The following ZNFX1 variants were observed in gnomAD, a reference collection of about 807,000 sequenced individuals.
The protein encoded by ZNFX1 is zinc finger NFX1-type containing 1.
Under a neutral mutation model 179.8 loss-of-function variants are expected in ZNFX1, and 78 were observed. The ratio of observed to expected loss-of-function variants is 0.43; its 90% CI spans 0.36 to 0.52. The LOEUF (loss-of-function observed/expected upper bound fraction) is 0.52, where lower values mean the gene tolerates loss of function less well. ZNFX1 is among the 20% of genes least tolerant of loss of function. ZNFX1 has a pLI of 0.00. For synonymous variants in ZNFX1, 848 were observed against 868.5 expected, an observed-to-expected ratio of 0.98 and a Z score of 0.42; for missense variants, 1,927 against 2,386.6, an observed-to-expected ratio of 0.81 and a Z score of 4.01.
rs563940148 is a variant in ZNFX1 at position 49,276,440 on chromosome 20, G to A, written c.-48-553C>T. ...CTTTGGAATGGAGCCAAATGATTAA[G>A]CTCTCTGCTCTACTGAATCAAGAGA... On this transcript the variant is annotated intron_variant, in intron 1 of 13. Coordinates refer to ENST00000396105, the MANE Select transcript of ZNFX1 (RefSeq NM_021035.3). Among the ~76,000 whole-genome samples the A allele has an allele frequency of 2.4e-3, 364 of 152,334 alleles. 5 individuals are homozygous for A. In the South Asian group the frequency reaches 0.04, roughly 17 times the overall value.
Position 49,251,544 on chromosome 20 carries a change from TAAGAA to T in ZNFX1, c.3290_3294del (p.Val1097GlufsTer3). The T allele has an allele frequency of 6.2e-7, 1 of 1,612,524 alleles. No individual in the cohort carries two copies. The highest frequency in any genetic ancestry group is 1.1e-5 in the South Asian group (1 of 90,882). ...AGACTCACCTTAATCTTCTCATACT[TAAGAA>T]CAGATGGATGATTCTCCAGATCCTG... is the stretch of plus-strand genomic sequence containing the variant. On this transcript the variant is annotated frameshift_variant, in exon 13 of 14. Transcript: ENST00000396105. LOFTEE classifies it high-confidence loss of function.
chr20:49,273,543 CA>C (rs1327599657), intron 2 of ZNFX1, among the ~76,000 whole-genome samples: 1 of 152,166 alleles, frequency 6.6e-6, no homozygotes, highest in Non-Finnish European at 1.5e-5. Flanking sequence ...AAACTACCTC[CA>C]AAATCAGAAG....
At chr20:49,275,376 C>A (rs892048579) in intron 2 of ZNFX1, among the ~76,000 whole-genome samples, 2 of 151,926 alleles carry the variant, frequency 1.3e-5, no homozygotes, top group Non-Finnish European at 2.9e-5. Flanking sequence ...GTCACCCAGG[C>A]TGGAGTGCAG....
At chr20:49,249,793 A>C in intron 13 of ZNFX1, 82 bp from the exon 14 acceptor site, 8 of 1,456,166 alleles carry the variant, frequency 5.5e-6, no homozygotes, top group South Asian at 5.4e-5. Context: ...TGCACTGGCC[A>C]CTTACTCTGC....
chr20:49,272,026 T>G (rs1981420316), intron 2 of ZNFX1, among the ~76,000 whole-genome samples: 2 of 152,168 alleles, frequency 1.3e-5, no homozygotes, highest in African/African-American at 4.8e-5. Flanking sequence ...ATACATACAG[T>G]ATGTCTCATT....
Position 49,263,467 on chromosome 20 carries a change from T to C in ZNFX1, c.2168A>G (p.Lys723Arg). The C allele has an allele frequency of 6.3e-7, 1 of 1,587,846 alleles. No individual in the cohort carries two copies. Among genetic ancestry groups the C allele is most frequent in the Non-Finnish European group, 8.6e-7 (1 of 1,165,880 alleles). ...RAYMSIMTQMKESEQELHEGA... is the reference protein window; with the variant it reads ...RAYMSIMTQMRESEQELHEGA... ...TTCATGAAGCTCTTGCTCTGACTCC[T>C]TCATCTGTGTCATGATCTTCCAAGA... The change falls in exon 6 of 14, where the codon AAG (lysine) becomes AGG (arginine). Residue 723 changes from lysine (K) to arginine (R), a missense_variant. By Grantham distance (26) the Lys-to-Arg change is conservative. Coordinates refer to ENST00000396105, the MANE Select transcript of ZNFX1 (RefSeq NM_021035.3).
At position 49,246,872 on chromosome 20, in the gene ZNFX1, ATTT is replaced by A. The variant is rs71647791; in HGVS notation, c.*392_*394del. On this transcript the variant is annotated 3_prime_UTR_variant, in exon 14 of 14. Transcript: ENST00000396105. ...GTAGGTGCTAAGACTAAAAAGAATG[ATTT>A]TTTTTTTTTTGAGACAGAGTCTTGC... is the stretch of plus-strand genomic sequence containing the variant. The A allele has an allele frequency of 5.1e-3, 2,082 of 409,580 alleles. 1 individual carries two copies. Among genetic ancestry groups the A allele is most frequent in the Non-Finnish European group, 5.8e-3 (1,160 of 200,276 alleles). The allele number at this position is 409,580 out of a possible 1,614,324, so 25.4% of individuals were successfully genotyped here. A position where few individuals can be genotyped will look rare whatever the true frequency, so the allele number is the denominator to read the frequency against.
chr20:49,271,459 G>A lies in ZNFX1; in HGVS notation c.353C>T (p.Pro118Leu). The A allele has an allele frequency of 2.5e-6, 4 of 1,614,162 alleles. No individual in the cohort carries two copies. Among genetic ancestry groups the A allele is most frequent in the Non-Finnish European group, 3.4e-6 (4 of 1,180,026 alleles). The change falls in exon 3 of 14, where the codon CCA becomes CTA. Residue 118 changes from proline (P) to leucine (L), a missense_variant. By Grantham distance (98) the Pro-to-Leu change is moderately conservative. Transcript: ENST00000396105. ...GNQDCRNRRP[P>L]WSNDNFQQWR... ...CTGCTGGAAGTTGTCATTGGACCAT[G>A]GTGGTCTGCGGTTCCTACAGTCCTG...
chr20:49,260,379 G>A (rs1269346159), intron 7 of ZNFX1, 84 bp downstream of exon 7: 3 of 814,440 alleles, frequency 3.7e-6, no homozygotes, highest in African/African-American at 1.8e-5. Flanking sequence ...TATTTATTCT[G>A]GGAATTATTT....
Position 49,270,840 on chromosome 20 carries a change from A to C in ZNFX1, c.972T>G (p.Pro324=). Residue 324 remains proline (P), a synonymous_variant, in exon 3 of 14, where the codon CCT becomes CCG. Transcript: ENST00000396105. This position sits in a 1 kb window ranked among gnomAD's most constrained non-coding sequence, Gnocchi z 4.6. ...LRVDTYTLVQ[P]EAEDHVESYR... ...AGCTCTCAACATGGTCTTCTGCCTCAGGCTGCACTAGAGTGTAGGTATCCA... is the reference window on the plus strand; with the variant it reads ...AGCTCTCAACATGGTCTTCTGCCTCCGGCTGCACTAGAGTGTAGGTATCCA... 2 of 1,614,174 alleles carry C rather than the reference A, an allele frequency of 1.2e-6. No homozygotes were observed. Among genetic ancestry groups the C allele is most frequent in the South Asian group, 1.1e-5 (1 of 91,078 alleles).
chr20:49,250,589 C>T (rs961605527), intron 13 of ZNFX1, among the ~76,000 whole-genome samples: 2 of 151,980 alleles, frequency 1.3e-5, no homozygotes, highest in Non-Finnish European at 1.5e-5. Context: ...ACTCTTGTTG[C>T]GTAGGCTGAA....
rs1600996950 is a variant in ZNFX1, at chr20:49,270,890, T to C, written c.922A>G (p.Lys308Glu). ...VQTIIEHLQE[K>E]RREGTLRVDT... ...ACTCTCAAAGTGCCCTCTCGCCTCT[T>C]TTCCTGCAGATGTTCAATGATAGTC... Residue 308 changes from lysine (K) to glutamate (E), a missense_variant, in exon 3 of 14, where the codon AAG becomes GAG. Coordinates refer to ENST00000396105, the MANE Select transcript of ZNFX1 (RefSeq NM_021035.3). This position sits in a 1 kb window ranked among gnomAD's most constrained non-coding sequence, Gnocchi z 4.6. The C allele has an allele frequency of 6.2e-7, 1 of 1,614,164 alleles. No homozygotes were observed.
chr20:49,254,690 C>A, intron 9 of ZNFX1, 41 bp from the exon 10 acceptor site: 1 of 1,603,268 alleles, frequency 6.2e-7, no homozygotes, highest in Non-Finnish European at 8.5e-7. Context: ...GCCACATGCT[C>A]TTTGAGAAGG....
chr20:49,271,363 T>C lies in ZNFX1; in HGVS notation c.449A>G (p.Glu150Gly), dbSNP rs1396687594. ...AGAAGGGTCTTTCTGCAGAAGACTTTCTAAGAACTTGTAGCCCAGTTTCTT... is the reference window on the plus strand; with the variant it reads ...AGAAGGGTCTTTCTGCAGAAGACTTCCTAAGAACTTGTAGCCCAGTTTCTT... Reference protein sequence around the residue: ...QAKKLGYKFLESLLQKDPSEV... With the variant: ...QAKKLGYKFLGSLLQKDPSEV... Residue 150 changes from glutamate to glycine, a missense_variant, in exon 3 of 14, where the codon GAA (glutamate) becomes GGA (glycine). Glu to Gly is a moderately conservative substitution (Grantham distance 98). Transcript: ENST00000396105. 6.2e-7 allele frequency: 1 copy of C among 1,614,156 alleles called. No homozygotes were observed. Among genetic ancestry groups the C allele is most frequent in the Non-Finnish European group, 8.5e-7 (1 of 1,180,020 alleles).
At chr20:49,257,083 T>G (rs990878797) in intron 8 of ZNFX1, among the ~76,000 whole-genome samples, 1 of 152,188 alleles carries the variant, frequency 6.6e-6, no homozygotes, top group Non-Finnish European at 1.5e-5. Context: ...ACAAACTCAT[T>G]TGAAATAGAG....
chr20:49,268,461 T>C (rs1255698157), intron 3 of ZNFX1, among the ~76,000 whole-genome samples: 1 of 152,150 alleles, frequency 6.6e-6, no homozygotes, highest in African/African-American at 2.4e-5. Context: ...TTTATGCCCA[T>C]TTCGGGAGGA....
At chr20:49,260,711 G>A in intron 6 of ZNFX1, 134 bp from the exon 7 acceptor site, 1 of 597,808 alleles carries the variant, frequency 1.7e-6, no homozygotes, top group Non-Finnish European at 2.9e-6. Context: ...GAAGGCCAAG[G>A]CAGGAAGACT....
chr20:49,249,735 G>C, intron 13 of ZNFX1, 24 bp from the exon 14 acceptor site: 1 of 1,589,404 alleles, frequency 6.3e-7, no homozygotes, highest in Non-Finnish European at 8.6e-7. Flanking sequence ...GAAGTGACAT[G>C]TTAAAAGGTT....
At position 49,270,879 on chromosome 20, in the gene ZNFX1, C is replaced by G; in HGVS notation, c.933G>C (p.Glu311Asp). 1 of 1,614,044 alleles carries G rather than the reference C, an allele frequency of 6.2e-7. No homozygotes were observed. Among genetic ancestry groups the G allele is most frequent in the Non-Finnish European group, 8.5e-7 (1 of 1,180,014 alleles). Residue 311 changes from glutamate (E) to aspartate (D), a missense_variant, in exon 3 of 14, where the codon GAG becomes GAC. Transcript: ENST00000396105. The surrounding 1 kb of genome is among the most constrained non-coding windows in gnomAD (Gnocchi z 4.6). ...IIEHLQEKRR[E>D]GTLRVDTYTL... ...TGTAGGTATCCACTCTCAAAGTGCCCTCTCGCCTCTTTTCCTGCAGATGTT... is the reference window on the plus strand; with the variant it reads ...TGTAGGTATCCACTCTCAAAGTGCCGTCTCGCCTCTTTTCCTGCAGATGTT...
Sources: gnomAD v4.1 joint callset for allele counts (sites outside exome capture counted in the v4.1 genomes callset) on GRCh38, gnomAD v4.1.1 for gene constraint, Gnocchi (gnomAD v3.1) non-coding constraint, MANE v1.5 for transcripts, NCBI Gene and HGNC (gene_info 2026-07-23, HGNC 2026-07-21) for gene names.